TG: variants seen among roughly 807,000 people sequenced by gnomAD.
TG encodes thyroid hormones.
TG carries 270 observed loss-of-function variants against 324.7 expected under a neutral mutation model. The observed-to-expected ratio is 0.83, with a 90% CI of 0.75 to 0.92. TG has a LOEUF of 0.92. Ranked by LOEUF, TG falls within the 40% of genes least tolerant of loss-of-function variation. The probability of loss-of-function intolerance (pLI) is 0.00; values close to 1 mark genes in which losing one functional copy is unlikely to be tolerated. For synonymous variants in TG, 1,401 were observed against 1,327.0 expected (o/e 1.06, Z -1.21); for missense variants, 3,591 against 3,456.4 (o/e 1.04, Z -0.98).
chr8:133,063,270 C>T (rs1447290866), intron 41 of TG, among the ~76,000 whole-genome samples: 1 of 150,872 alleles, frequency 6.6e-6, no homozygotes, highest in African/African-American at 2.4e-5. Flanking sequence ...GTGCCCCCAG[C>T]CCTGCCAGCC....
intron 11 of TG, among the ~76,000 whole-genome samples, chr8:132,896,714 T>G (rs1411601721): frequency 2.6e-5 from 4 of 152,076 alleles, no homozygotes. Flanking sequence ...TCATTCACGC[T>G]TTTTTCCCAA....
At chr8:132,902,801 C>T (rs555694808) in intron 16 of TG, among the ~76,000 whole-genome samples, 4 of 152,294 alleles carry the variant, frequency 2.6e-5, no homozygotes, top group African/African-American at 9.6e-5. Flanking sequence ...AGGTCTGGAG[C>T]ACAGCTCCTT....
At chr8:133,092,029 G>A (rs905633904) in intron 41 of TG, among the ~76,000 whole-genome samples, 4 of 152,166 alleles carry the variant, frequency 2.6e-5, no homozygotes, top group Admixed American at 6.5e-5. Flanking sequence ...CAAACTCCAA[G>A]TCTCCTGGTG....
intron 41 of TG, among the ~76,000 whole-genome samples, chr8:133,055,972 A>G (rs1300231421): frequency 2.0e-5 from 3 of 151,924 alleles, no homozygotes; most frequent in Non-Finnish European, 2.9e-5. Context: ...GATTGAAACT[A>G]CCTTATTTTG....
At chr8:132,961,338 C>G (rs1027123921) in intron 28 of TG, among the ~76,000 whole-genome samples, 2 of 152,174 alleles carry the variant, frequency 1.3e-5, no homozygotes, top group African/African-American at 4.8e-5. Context: ...TTGCTGACCA[C>G]AAGACACCCT....
chr8:133,056,620 T>G (rs1456989268), intron 41 of TG, among the ~76,000 whole-genome samples: 1 of 152,184 alleles, frequency 6.6e-6, no homozygotes, highest in East Asian at 1.9e-4. Context: ...TTAAGCTTCT[T>G]GTACCTCAGA....
intron 34 of TG, among the ~76,000 whole-genome samples, chr8:132,975,682 G>A (rs1248977790): frequency 6.6e-6 from 1 of 152,258 alleles, no homozygotes; most frequent in East Asian, 1.9e-4. Flanking sequence ...CAAACACTTT[G>A]CATGCACTAT....
intron 13 of TG, 68 bp from the exon 14 acceptor site, chr8:132,898,730 A>G (rs1817495549): frequency 1.4e-6 from 2 of 1,406,092 alleles, no homozygotes; most frequent in Admixed American, 1.7e-5. Context: ...AGGTGGGGTC[A>G]GCCTGGGATC....
At position 132,885,243 on chromosome 8, in the gene TG, A is replaced by G. The variant is rs183202277; in HGVS notation, c.1076-1205A>G. Among the ~76,000 whole-genome samples the G allele has an allele frequency of 9.5e-4, 145 of 151,976 alleles. 1 individual carries two copies. Among genetic ancestry groups the G allele is most frequent in the Admixed American group, 4.1e-3 (63 of 15,258 alleles). ...CAGCCCCTTGGTGTTTGAATTTTAC[A>G]TTTTTTCTCTCTTAATGTGGCTACA... On this transcript the variant is annotated intron_variant, in intron 8 of 47. Transcript: ENST00000220616.
chr8:132,870,726 C>A (rs1839409557), intron 3 of TG, among the ~76,000 whole-genome samples: 1 of 151,938 alleles, frequency 6.6e-6, no homozygotes, highest in Non-Finnish European at 1.5e-5. Flanking sequence ...ACTCATGGTA[C>A]AAGGGGAAGA....
In TG at chr8:132,882,467, A is replaced by T. The variant is rs1271393370; in HGVS notation, c.746-2A>T. ...TCTGAAAGTCTTGCTGTCTTTGCTC[A>T]GGTTTGGAGTTGTTACTGGATGAAA... On this transcript the variant is annotated splice_acceptor_variant, in intron 6 of 47. Transcript: ENST00000220616. LOFTEE classifies it high-confidence loss of function. The T allele has an allele frequency of 1.2e-6, 2 of 1,614,066 alleles. No individual in the cohort carries two copies. Among genetic ancestry groups the T allele is most frequent in the Admixed American group, 3.3e-5 (2 of 60,010 alleles).
intron 5 of TG, among the ~76,000 whole-genome samples, chr8:132,880,694 C>T (rs1814531523): frequency 6.6e-6 from 1 of 152,158 alleles, no homozygotes; most frequent in Non-Finnish European, 1.5e-5. Context: ...GCCAGGCTCT[C>T]AGCAATTACT....
intron 17 of TG, among the ~76,000 whole-genome samples, chr8:132,907,252 T>G (rs976924472): frequency 6.6e-6 from 1 of 152,154 alleles, no homozygotes; most frequent in African/African-American, 2.4e-5. Context: ...TCAGCAGCTC[T>G]GACATGCTCA....
chr8:132,999,317 TA>T (rs71518145), intron 35 of TG, among the ~76,000 whole-genome samples: 48,885 of 149,382 alleles, frequency 0.33, 8,063 homozygotes, highest in Non-Finnish European at 0.35. Context: ...TAAGAATAAT[TA>T]AAAAAAAAAA....
chr8:133,101,901 C>T (rs74628042), intron 43 of TG, among the ~76,000 whole-genome samples: 5,570 of 152,236 alleles, frequency 0.037, 338 homozygotes, highest in African/African-American at 0.13. Context: ...GGTCATGTGT[C>T]AACACAGCAG....
At chr8:133,058,713 C>G (rs1247238958) in intron 41 of TG, among the ~76,000 whole-genome samples, 1 of 152,220 alleles carries the variant, frequency 6.6e-6, no homozygotes, top group South Asian at 2.1e-4. Context: ...CCACCCTGCA[C>G]GTTGCACGCT....
intron 43 of TG, among the ~76,000 whole-genome samples, chr8:133,104,956 C>G (rs1255442911): frequency 2.6e-5 from 4 of 152,178 alleles, no homozygotes; most frequent in Admixed American, 2.6e-4. Context: ...CATTTGGAAT[C>G]CTCAGTTCCT....
chr8:132,872,756 A>G (rs1157534068), intron 4 of TG, among the ~76,000 whole-genome samples: 1 of 152,096 alleles, frequency 6.6e-6, no homozygotes, highest in Non-Finnish European at 1.5e-5. Context: ...ATGCTTAGGT[A>G]TGTCTAGATA....
At chr8:132,943,186 T>C (rs895727998) in intron 26 of TG, among the ~76,000 whole-genome samples, 1 of 152,148 alleles carries the variant, frequency 6.6e-6, no homozygotes, top group Non-Finnish European at 1.5e-5. Flanking sequence ...ATCCCCAGTG[T>C]TGGAGGTGAG....
Sources: allele counts gnomAD v4.1 joint callset (sites outside exome capture counted in the v4.1 genomes callset), GRCh38; gene constraint gnomAD v4.1.1; transcripts MANE v1.5; gene names NCBI Gene and HGNC (gene_info 2026-07-23, HGNC 2026-07-21).